ALMS1: variants seen among roughly 807,000 people sequenced by gnomAD.
ALMS1 encodes the protein ALMS1 centrosome and basal body associated protein, also known as centrosome-associated protein ALMS1.
ALMS1 carries 271 observed loss-of-function variants against 352.2 expected under a neutral mutation model. That is an observed-to-expected ratio of 0.77 (90% confidence interval 0.70 to 0.85). ALMS1 has a LOEUF of 0.85. Ranked by LOEUF, ALMS1 falls within the 40% of genes least tolerant of loss-of-function variation. The pLI is 0.00. For synonymous variants in ALMS1, 1,865 were observed against 1,761.2 expected (o/e 1.06, Z -1.48); for missense variants, 5,445 against 4,870.7 (o/e 1.12, Z -3.51).
intron 10 of ALMS1, among the ~76,000 whole-genome samples, chr2:73,504,016 G>A (rs1382444434): frequency 5.9e-5 from 9 of 152,002 alleles, no homozygotes; most frequent in Non-Finnish European, 2.9e-5. Flanking sequence ...ATTTTATTCA[G>A]TGAGTTATGA....
At chr2:73,507,956 C>G (rs1673366764) in intron 10 of ALMS1, among the ~76,000 whole-genome samples, 1 of 152,100 alleles carries the variant, frequency 6.6e-6, no homozygotes, top group African/African-American at 2.4e-5. Flanking sequence ...AAATGTGTCC[C>G]AGAGATTCTG....
chr2:73,560,289 A>G (rs1243422076), intron 15 of ALMS1, among the ~76,000 whole-genome samples: 1 of 152,198 alleles, frequency 6.6e-6, no homozygotes, highest in Non-Finnish European at 1.5e-5. Flanking sequence ...TCAAGCATAT[A>G]AAAAGATGCC....
At chr2:73,590,794 T>G (rs1675416239) in intron 16 of ALMS1, among the ~76,000 whole-genome samples, 1 of 149,254 alleles carries the variant, frequency 6.7e-6, no homozygotes, top group Non-Finnish European at 1.5e-5. Flanking sequence ...TTTTCCTGCC[T>G]CAGCCTCCTG....
At chr2:73,524,498 C>T (rs1363673831) in intron 11 of ALMS1, among the ~76,000 whole-genome samples, 1 of 152,076 alleles carries the variant, frequency 6.6e-6, no homozygotes, top group Non-Finnish European at 1.5e-5. Flanking sequence ...CTCTGTCACC[C>T]AGGCTGGAGT....
intron 9 of ALMS1, among the ~76,000 whole-genome samples, chr2:73,460,083 T>C (rs1442428353): frequency 2.0e-5 from 3 of 152,160 alleles, no homozygotes; most frequent in South Asian, 4.1e-4. Flanking sequence ...ACTTCCCTGA[T>C]AGTAAGAAAC....
chr2:73,430,203 A>G (rs1443182770), intron 6 of ALMS1, among the ~76,000 whole-genome samples: 2 of 151,370 alleles, frequency 1.3e-5, no homozygotes, highest in African/African-American at 4.9e-5. Context: ...CAGCCTCCTG[A>G]GTAGCTTGGA....
chr2:73,460,984 C>G (rs184673552), intron 9 of ALMS1, among the ~76,000 whole-genome samples: 6 of 152,252 alleles, frequency 3.9e-5, no homozygotes, highest in African/African-American at 7.2e-5. Context: ...AGGAGGCCTG[C>G]CTGCCTCTGT....
At chr2:73,553,672 A>C (rs1357826771) in intron 13 of ALMS1, among the ~76,000 whole-genome samples, 1 of 152,220 alleles carries the variant, frequency 6.6e-6, no homozygotes, top group East Asian at 1.9e-4. Flanking sequence ...TGTAAATACT[A>C]AATATAAACT....
chr2:73,579,413 T>A (rs1462130102), intron 16 of ALMS1, among the ~76,000 whole-genome samples: 1 of 151,400 alleles, frequency 6.6e-6, no homozygotes, highest in Non-Finnish European at 1.5e-5. Context: ...CAGGCTGGAG[T>A]ACAGTGGCGT....
In ALMS1 at chr2:73,432,124, C is replaced by T. The variant is rs559544266; in HGVS notation, c.1339-74C>T. 6.4e-4 allele frequency: 680 copies of T among 1,070,364 alleles called. 9 individuals are homozygous for T. In the South Asian group the frequency reaches 8.3e-3, roughly 13 times the overall value. The allele number at this position is 1,070,364 out of a possible 1,614,324, so 66.3% of individuals were successfully genotyped here. ...TAATATCTTATTTTCTTCATTTCTT[C>T]GTAGGTGGGTCATTCTAATCTGGGC... On this transcript the variant is annotated intron_variant, in intron 6 of 22. Coordinates refer to ENST00000613296, the MANE Select transcript of ALMS1 (RefSeq NM_001378454.1).
At chr2:73,523,629 T>C (rs1222930709) in intron 11 of ALMS1, among the ~76,000 whole-genome samples, 2 of 152,132 alleles carry the variant, frequency 1.3e-5, no homozygotes, top group Non-Finnish European at 2.9e-5. Flanking sequence ...TAGCCGGGCA[T>C]GATGGCACAT....
intron 9 of ALMS1, among the ~76,000 whole-genome samples, chr2:73,464,542 G>A (rs1029747131): frequency 2.6e-5 from 4 of 152,200 alleles, no homozygotes; most frequent in African/African-American, 9.6e-5. Context: ...GCACAAGACA[G>A]GGGTGCCCTC....
rs564400636 is a variant in ALMS1, at chr2:73,450,981, T to C, written c.4454T>C (p.Ile1485Thr). The C allele has an allele frequency of 6.2e-6, 10 of 1,613,510 alleles. No individual in the cohort carries two copies. The highest frequency in any genetic ancestry group is 5.5e-5 in the South Asian group (5 of 91,036). ...SSSFGEKPIV[I>T]YKQAFPEGHL... is the part of the protein sequence containing the mutation. ...TCATTTGGAGAGAAGCCCATTGTTA[T>C]CTACAAACAGGCCTTTCCAGAGGGT... The change falls in exon 8 of 23, where the codon ATC becomes ACC. Residue 1485 changes from isoleucine to threonine, a missense_variant. Coordinates refer to ENST00000613296, the MANE Select transcript of ALMS1 (RefSeq NM_001378454.1).
At chr2:73,432,601 C>G (rs144513601) in intron 7 of ALMS1, among the ~76,000 whole-genome samples, 162 of 152,142 alleles carry the variant, frequency 1.1e-3, no homozygotes, top group Admixed American at 1.7e-3. Context: ...CCTCTGTGCC[C>G]TCCCATGGTG....
At position 73,429,572 on chromosome 2, in the gene ALMS1, C is replaced by T. The variant is rs143303897; in HGVS notation, c.1339-2626C>T. Among the ~76,000 whole-genome samples the T allele has an allele frequency of 2.6e-5, 4 of 152,230 alleles. No individual in the cohort carries two copies. In the East Asian group the frequency reaches 7.7e-4, roughly 29 times the overall value. On this transcript the variant is annotated intron_variant, in intron 6 of 22. Transcript: ENST00000613296. ...TGCTGGGGTTACAGGCGTGAGCCAC[C>T]GTGCCTGGCCTAATATGCTATTTTA...
chr2:73,447,332 A>T (rs768040531), intron 7 of ALMS1, among the ~76,000 whole-genome samples: 1 of 152,180 alleles, frequency 6.6e-6, no homozygotes, highest in African/African-American at 2.4e-5. Context: ...ACAACTTGCC[A>T]TGCTATACAG....
At chr2:73,601,734 G>T (rs933541339) in intron 19 of ALMS1, among the ~76,000 whole-genome samples, 2 of 152,250 alleles carry the variant, frequency 1.3e-5, no homozygotes, top group South Asian at 4.1e-4. Context: ...TGGAGGGCCC[G>T]GAGGCCTGAC....
intron 10 of ALMS1, among the ~76,000 whole-genome samples, chr2:73,498,850 C>A (rs1451349221): frequency 2.6e-5 from 4 of 152,132 alleles, no homozygotes; most frequent in Non-Finnish European, 5.9e-5. Context: ...TCTTAGCTTA[C>A]CACAAACACT....
intron 9 of ALMS1, among the ~76,000 whole-genome samples, chr2:73,472,026 T>C (rs988561007): frequency 5.3e-5 from 8 of 152,036 alleles, no homozygotes; most frequent in Non-Finnish European, 1.0e-4. Context: ...CTTAAGGAAG[T>C]CCTGCTGTAT....
Sources: allele counts gnomAD v4.1 joint callset (sites outside exome capture counted in the v4.1 genomes callset), GRCh38; gene constraint gnomAD v4.1.1; transcripts MANE v1.5; gene names NCBI Gene and HGNC (gene_info 2026-07-23, HGNC 2026-07-21).